The following STIM2 variants were observed in gnomAD, a reference collection of about 807,000 sequenced individuals.
The protein encoded by STIM2 is stromal interaction molecule 2.
A neutral mutation model predicts 85.8 loss-of-function variants in STIM2; 31 were observed. The ratio of observed to expected loss-of-function variants is 0.36; its 90% CI spans 0.27 to 0.49. STIM2 has a LOEUF of 0.49. Among genes scored for constraint, STIM2 ranks in the 20% least tolerant of loss-of-function variants. The pLI, the probability that STIM2 is intolerant of heterozygous loss-of-function variation, is 0.98. For missense variants in STIM2, 841 were observed against 927.6 expected (o/e 0.91, Z 1.21); for synonymous variants, 356 against 331.1 (o/e 1.08, Z -0.82).
chr4:27,020,859 C>A, intron 11 of STIM2: 1 of 650,212 alleles, frequency 1.5e-6, no homozygotes. Flanking sequence ...CTAGTTCCAG[C>A]TGCTGGGTTA....
At position 27,008,801 on chromosome 4, in the gene STIM2, C is replaced by A. The variant is rs1299400467; in HGVS notation, c.1288C>A (p.Arg430=). 1 of 1,614,054 alleles carries A rather than the reference C, an allele frequency of 6.2e-7. No homozygotes were observed. Among genetic ancestry groups the A allele is most frequent in the South Asian group, 1.1e-5 (1 of 91,078 alleles). Residue 430 remains arginine, a synonymous_variant, in exon 10 of 12, where the codon CGA becomes AGA. Transcript: ENST00000467087. ...TGAGTTGACAACTTGTTTACGAGAA[C>A]GACTTTTTCGCTGGCAACAAATTGA...
chr4:27,023,127 A>G lies in STIM2; in HGVS notation c.*131A>G, dbSNP rs1475338914. The G allele has an allele frequency of 7.3e-6, 6 of 826,678 alleles. No homozygotes were observed. The highest frequency in any genetic ancestry group is 2.4e-5 in the East Asian group (1 of 41,156). The allele number at this position is 826,678 out of a possible 1,614,324, so 51.2% of individuals were successfully genotyped here. A position where few individuals can be genotyped will look rare whatever the true frequency, so the allele number is the denominator to read the frequency against. On this transcript the variant is annotated 3_prime_UTR_variant, in exon 12 of 12. Coordinates refer to ENST00000467087, the MANE Select transcript of STIM2 (RefSeq NM_020860.4). Reference sequence around the variant, plus strand: ...ATTGGGGCTTTCCAGGCCGGATGCCATAGTGGAACATCCAGAAGGGCAACT... The same window carrying G: ...ATTGGGGCTTTCCAGGCCGGATGCCGTAGTGGAACATCCAGAAGGGCAACT...
At chr4:26,897,573 TTGAG>T (rs1424391165) in intron 1 of STIM2, among the ~76,000 whole-genome samples, 8 of 152,210 alleles carry the variant, frequency 5.3e-5, no homozygotes, top group Non-Finnish European at 8.8e-5. Flanking sequence ...TTTGTTTCTT[TTGAG>T]TATTTCAAAG....
At chr4:27,014,324 A>T (rs1728660217) in intron 10 of STIM2, among the ~76,000 whole-genome samples, 1 of 151,902 alleles carries the variant, frequency 6.6e-6, no homozygotes, top group Non-Finnish European at 1.5e-5. Context: ...TTTTCTCTTT[A>T]AGAACCACCT....
chr4:26,968,253 C>T (rs1726808982), intron 3 of STIM2, among the ~76,000 whole-genome samples: 1 of 152,126 alleles, frequency 6.6e-6, no homozygotes, highest in Non-Finnish European at 1.5e-5. Flanking sequence ...CACACACACA[C>T]TCAAATCTTG....
In STIM2 at chr4:26,860,914, T is replaced by C; in HGVS notation, c.-305T>C. On this transcript the variant is annotated 5_prime_UTR_variant, in exon 1 of 12. Transcript: ENST00000467087. ...ACCGCCTGAAGACGCCGTACCTTTC[T>C]ACCCCCCACCTTTTTTTTTTTTTTT... 1 of 1,105,906 alleles carries C rather than the reference T, an allele frequency of 9.0e-7. No individual in the cohort carries two copies. 68.5% of individuals were successfully genotyped at this position (1,105,906 alleles called of 1,614,324 possible).
At chr4:26,971,620 A>G (rs1021205475) in intron 3 of STIM2, among the ~76,000 whole-genome samples, 9 of 152,192 alleles carry the variant, frequency 5.9e-5, no homozygotes, top group Non-Finnish European at 1.5e-5. Flanking sequence ...CTTTGGTACC[A>G]GTACCCTTCT....
chr4:26,891,556 C>T (rs1560196931), intron 1 of STIM2, among the ~76,000 whole-genome samples: 2 of 100,128 alleles, frequency 2.0e-5, no homozygotes, highest in Non-Finnish European at 3.8e-5. Context: ...TGTATACATA[C>T]ATACACACAC....
intron 2 of STIM2, among the ~76,000 whole-genome samples, chr4:26,933,733 C>CAAAAAAAAAAAAAAA (rs771503772): frequency 4.2e-5 from 2 of 47,762 alleles, no homozygotes; most frequent in Non-Finnish European, 9.0e-5. Flanking sequence ...GACCTGATCT[C>CAAAAAAAAAAAAAAA]AAAAAAAAAA....
intron 1 of STIM2, among the ~76,000 whole-genome samples, chr4:26,875,934 T>C (rs1026435943): frequency 2.0e-5 from 3 of 152,206 alleles, no homozygotes; most frequent in Non-Finnish European, 4.4e-5. Flanking sequence ...ATCCTTTTAT[T>C]ATTAGGAAGA....
intron 1 of STIM2, among the ~76,000 whole-genome samples, chr4:26,890,116 C>T (rs1438811424): frequency 6.6e-6 from 1 of 152,106 alleles, no homozygotes; most frequent in African/African-American, 2.4e-5. Flanking sequence ...TATCCCTGTC[C>T]CAGAAAGGCA....
chr4:26,933,490 T>C (rs2109076051), intron 2 of STIM2, among the ~76,000 whole-genome samples: 1 of 152,274 alleles, frequency 6.6e-6, no homozygotes, highest in African/African-American at 2.4e-5. Context: ...GCATTTCTGA[T>C]AGCAGCAAAA....
At chr4:26,947,402 A>C (rs1725873837) in intron 2 of STIM2, among the ~76,000 whole-genome samples, 1 of 152,172 alleles carries the variant, frequency 6.6e-6, no homozygotes, top group Non-Finnish European at 1.5e-5. Flanking sequence ...AAATGGTACA[A>C]ATATATATAT....
intron 1 of STIM2, among the ~76,000 whole-genome samples, chr4:26,866,039 CTTTTA>C (rs1227486697): frequency 5.3e-5 from 8 of 151,082 alleles, no homozygotes; most frequent in African/African-American, 9.7e-5. Flanking sequence ...TAGATTCCAA[CTTTTA>C]TTTTAGATTC....
At chr4:26,895,174 T>C (rs1256152954) in intron 1 of STIM2, among the ~76,000 whole-genome samples, 1 of 152,242 alleles carries the variant, frequency 6.6e-6, no homozygotes, top group Admixed American at 6.5e-5. Context: ...ATTGCGCCAC[T>C]GCACTCCAGC....
intron 1 of STIM2, among the ~76,000 whole-genome samples, chr4:26,896,994 T>C (rs1723734204): frequency 6.6e-6 from 1 of 152,240 alleles, no homozygotes; most frequent in South Asian, 2.1e-4. Context: ...CATAATACTC[T>C]TAAGATCCAT....
chr4:26,962,392 T>TA (rs1235878804), intron 3 of STIM2, among the ~76,000 whole-genome samples: 1 of 152,216 alleles, frequency 6.6e-6, no homozygotes, highest in Non-Finnish European at 1.5e-5. Flanking sequence ...TATTTATTGA[T>TA]AAAATGAACA....
intron 2 of STIM2, 81 bp downstream of exon 2, chr4:26,919,715 T>C: frequency 6.5e-7 from 1 of 1,527,738 alleles, no homozygotes; most frequent in Non-Finnish European, 8.8e-7. Context: ...ATTTTCTCTT[T>C]CCTCATGTGG....
intron 1 of STIM2, among the ~76,000 whole-genome samples, chr4:26,907,300 G>T (rs1724168222): frequency 6.6e-6 from 1 of 151,976 alleles, no homozygotes; most frequent in African/African-American, 2.4e-5. Flanking sequence ...GAACTATATG[G>T]TATAAAAACA....
Sources: gnomAD v4.1 joint callset for allele counts (sites outside exome capture counted in the v4.1 genomes callset) on GRCh38, gnomAD v4.1.1 for gene constraint, MANE v1.5 for transcripts, NCBI Gene and HGNC (gene_info 2026-07-23, HGNC 2026-07-21) for gene names.